PCF11: variants seen among roughly 807,000 people sequenced by gnomAD.
PCF11 encodes pre-mRNA cleavage complex 2 protein Pcf11.
PCF11 carries 19 observed loss-of-function variants against 166.1 expected under a neutral mutation model. The observed-to-expected ratio is 0.11, with a 90% CI of 0.08 to 0.17. The LOEUF is 0.17. Among genes scored for constraint, PCF11 ranks in the 10% least tolerant of loss-of-function variants. The pLI is 1.00. For synonymous variants in PCF11, 663 were observed against 644.1 expected (o/e 1.03, Z -0.44); for missense variants, 1,565 against 1,855.5 (o/e 0.84, Z 2.88).
chr11:83,163,013 C>T (rs1011822556), intron 2 of PCF11, among the ~76,000 whole-genome samples: 1 of 152,180 alleles, frequency 6.6e-6, no homozygotes, highest in Non-Finnish European at 1.5e-5. Flanking sequence ...TCAGGTGATC[C>T]ACCTGCCTCG....
In PCF11 at chr11:83,164,057, A is replaced by G. The variant is rs930262796; in HGVS notation, c.508-150A>G. The G allele has an allele frequency of 4.1e-5, 25 of 611,364 alleles. 1 individual carries two copies. In the African/African-American group the frequency reaches 4.5e-4, roughly 11 times the overall value. The allele number at this position is 611,364 out of a possible 1,614,324, so 37.9% of individuals were successfully genotyped here. A position where few individuals can be genotyped will look rare whatever the true frequency, so the allele number is the denominator to read the frequency against. Reference sequence around the variant, plus strand: ...AATATATTCACCTTGTTTAGGTATTATGTAACATTTATTTTGGGTTTTAAA... The same window carrying G: ...AATATATTCACCTTGTTTAGGTATTGTGTAACATTTATTTTGGGTTTTAAA... On this transcript the variant is annotated intron_variant, in intron 3 of 15. Transcript: ENST00000298281.
chr11:83,169,641 A>G (rs759761815), exon 8 of PCF11: 1 of 1,614,028 alleles, frequency 6.2e-7, no homozygotes, highest in East Asian at 2.2e-5. Context: ...ATCAGCAAGC[A>G]TCAAGGTTTG....
intron 7 of PCF11, 120 bp from the exon 8 acceptor site, chr11:83,168,308 T>C: frequency 2.1e-6 from 2 of 935,276 alleles, no homozygotes; most frequent in Non-Finnish European, 3.1e-6. Flanking sequence ...TGCTTTACGC[T>C]GTCGGTCTCT....
At chr11:83,165,820 G>C in exon 5 of PCF11, 1 of 1,610,158 alleles carries the variant, frequency 6.2e-7, no homozygotes. Flanking sequence ...CATTCTCATG[G>C]AAAAGATCAG....
exon 2 of PCF11, chr11:83,161,344 G>A (rs764358647): frequency 6.3e-7 from 1 of 1,598,450 alleles, no homozygotes; most frequent in Non-Finnish European, 8.5e-7. Flanking sequence ...CCTCAGAGAA[G>A]CTTCCTGTTA....
exon 8 of PCF11, chr11:83,168,632 C>A: frequency 1.9e-6 from 3 of 1,613,880 alleles, no homozygotes; most frequent in South Asian, 1.1e-5. Context: ...GATGGCCCAA[C>A]GAAGATGATT....
chr11:83,172,856 A>G (rs188668141), intron 9 of PCF11, among the ~76,000 whole-genome samples: 1 of 152,346 alleles, frequency 6.6e-6, no homozygotes, highest in Admixed American at 6.5e-5. Flanking sequence ...CAATAAATTT[A>G]TGGAGTTTTC....
intron 9 of PCF11, among the ~76,000 whole-genome samples, chr11:83,175,568 C>G (rs1029634139): frequency 6.6e-6 from 1 of 152,052 alleles, no homozygotes; most frequent in Non-Finnish European, 1.5e-5. Context: ...CTGGCTAACA[C>G]GGTGAAACCC....
At chr11:83,178,498 C>T (rs2135442171) in intron 11 of PCF11, among the ~76,000 whole-genome samples, 1 of 151,546 alleles carries the variant, frequency 6.6e-6, no homozygotes, top group Non-Finnish European at 1.5e-5. Flanking sequence ...TCAGCATTTA[C>T]AATTAAAAAA....
At chr11:83,157,187 C>G (rs1860019464) in exon 1 of PCF11, 1 of 574,696 alleles carries the variant, frequency 1.7e-6, no homozygotes, top group Admixed American at 3.1e-5. Flanking sequence ...GCCACTGCCG[C>G]CGCCATTTTG....
At chr11:83,157,664 C>T (rs372184223) in intron 1 of PCF11, 33 bp downstream of exon 1, 26 of 1,572,860 alleles carry the variant, frequency 1.7e-5, no homozygotes, top group Non-Finnish European at 2.2e-5. Context: ...CCTATTACTT[C>T]TAATACTCCC....
chr11:83,159,903 A>G (rs1457676842), intron 1 of PCF11, among the ~76,000 whole-genome samples: 2 of 152,196 alleles, frequency 1.3e-5, no homozygotes, highest in African/African-American at 2.4e-5. Flanking sequence ...AAATTAGCCT[A>G]CTTAACAGAC....
chr11:83,161,488 T>TA (rs767337680), intron 2 of PCF11, 36 bp downstream of exon 2: 23 of 1,456,074 alleles, frequency 1.6e-5, no homozygotes, highest in African/African-American at 1.3e-4. Flanking sequence ...CGTTTTTTTT[T>TA]AAAAAATGTG....
At chr11:83,170,370 T>G (rs1041269345) in intron 8 of PCF11, among the ~76,000 whole-genome samples, 2 of 152,234 alleles carry the variant, frequency 1.3e-5, no homozygotes, top group Non-Finnish European at 2.9e-5. Context: ...TAGAATTGAT[T>G]GAACTGTTCT....
At chr11:83,182,269 T>C in intron 13 of PCF11, 130 bp from the exon 14 acceptor site, 2 of 623,340 alleles carry the variant, frequency 3.2e-6, no homozygotes, top group Non-Finnish European at 5.7e-6. Context: ...ATACTGTATA[T>C]TGGACATTAT....
In PCF11 at chr11:83,169,092, G is replaced by A. The variant is rs761107181; in HGVS notation, c.2757G>A (p.Gly919=). 8.7e-6 allele frequency: 14 copies of A among 1,613,258 alleles called. No homozygotes were observed. The East Asian group carries it at 1.1e-4, about 13-fold the overall frequency. ...CTGTAGGTGGACTTAGATTTGAGGG[G>A]GGTCATGGTCCATCAGGGGCTGCGA... The change falls in exon 8 of 16, where the codon GGG becomes GGA. Residue 919 remains glycine, a synonymous_variant. Transcript: ENST00000298281.
At chr11:83,157,619 C>T in exon 1 of PCF11, 10 of 1,613,916 alleles carry the variant, frequency 6.2e-6, no homozygotes, top group Non-Finnish European at 8.5e-6. Context: ...TCATCGAGGC[C>T]CAAACCGCCA....
chr11:83,181,784 T>G, intron 12 of PCF11, 70 bp from the exon 13 acceptor site: 1 of 1,071,062 alleles, frequency 9.3e-7, no homozygotes, highest in Non-Finnish European at 1.3e-6. Context: ...TAAATGGCAT[T>G]ATATTGAAGA....
At chr11:83,174,621 T>G (rs970949854) in intron 9 of PCF11, among the ~76,000 whole-genome samples, 2 of 152,134 alleles carry the variant, frequency 1.3e-5, no homozygotes, top group African/African-American at 2.4e-5. Flanking sequence ...AAATATTAAT[T>G]CATTTAACCT....
Sources: allele counts gnomAD v4.1 joint callset (sites outside exome capture counted in the v4.1 genomes callset), GRCh38; gene constraint gnomAD v4.1.1; transcripts MANE v1.5; gene names NCBI Gene and HGNC (gene_info 2026-07-23, HGNC 2026-07-21).